The following CNTNAP5 variants were observed in gnomAD, a reference collection of about 807,000 sequenced individuals.
CNTNAP5 encodes contactin-associated protein-like 5.
Under a neutral mutation model 150.2 loss-of-function variants are expected in CNTNAP5, and 72 were observed. That is an observed-to-expected ratio of 0.48 (90% CI 0.40 to 0.58). The LOEUF (loss-of-function observed/expected upper bound fraction) is 0.58. Among genes scored for constraint, CNTNAP5 ranks in the 20% least tolerant of loss-of-function variants. The pLI, the probability that CNTNAP5 is intolerant of heterozygous loss-of-function variation, is 0.00. For synonymous variants in CNTNAP5, 672 were observed against 619.8 expected (o/e 1.08, Z -1.25); for missense variants, 1,636 against 1,626.2 (o/e 1.01, Z -0.10).
chr2:124,154,468 A>G (rs1193296236), intron 1 of CNTNAP5, among the ~76,000 whole-genome samples: 1 of 152,104 alleles, frequency 6.6e-6, no homozygotes, highest in African/African-American at 2.4e-5. Context: ...ACACCTCACA[A>G]TTACACCTCC....
chr2:124,572,300 G>T (rs1355998281), intron 11 of CNTNAP5, among the ~76,000 whole-genome samples: 1 of 151,922 alleles, frequency 6.6e-6, no homozygotes, highest in Non-Finnish European at 1.5e-5. Flanking sequence ...CAGATACTGG[G>T]GTCTACCTGA....
intron 2 of CNTNAP5, among the ~76,000 whole-genome samples, chr2:124,239,022 G>A (rs1249503419): frequency 6.6e-6 from 1 of 152,134 alleles, no homozygotes; most frequent in South Asian, 2.1e-4. Flanking sequence ...AAACTCTTGG[G>A]CTCAGAAAAT....
At chr2:124,575,102 C>A (rs1232818927) in intron 11 of CNTNAP5, among the ~76,000 whole-genome samples, 2 of 152,058 alleles carry the variant, frequency 1.3e-5, no homozygotes, top group African/African-American at 4.8e-5. Context: ...AGGGACGAGG[C>A]AAGTACGCTT....
At chr2:124,046,370 T>C (rs1681534767) in intron 1 of CNTNAP5, among the ~76,000 whole-genome samples, 1 of 150,386 alleles carries the variant, frequency 6.6e-6, no homozygotes, top group African/African-American at 2.4e-5. Flanking sequence ...TTTGAAGAAA[T>C]TACTCAGAGC....
intron 19 of CNTNAP5, among the ~76,000 whole-genome samples, chr2:124,833,420 T>C (rs1682761265): frequency 6.6e-6 from 1 of 152,164 alleles, no homozygotes; most frequent in South Asian, 2.1e-4. Context: ...GTCCCCACAA[T>C]GTTCCAAATG....
At chr2:124,903,888 T>C (rs1328418061) in intron 22 of CNTNAP5, among the ~76,000 whole-genome samples, 1 of 151,864 alleles carries the variant, frequency 6.6e-6, no homozygotes, top group Non-Finnish European at 1.5e-5. Flanking sequence ...ACCCCATTTC[T>C]ACTAAAAATA....
chr2:124,792,543 C>T (rs1681756895), intron 18 of CNTNAP5, among the ~76,000 whole-genome samples: 1 of 151,960 alleles, frequency 6.6e-6, no homozygotes, highest in African/African-American at 2.4e-5. Flanking sequence ...AATTTATATA[C>T]CATAAAACCC....
At chr2:124,290,495 C>T (rs944098216) in intron 3 of CNTNAP5, among the ~76,000 whole-genome samples, 11 of 152,204 alleles carry the variant, frequency 7.2e-5, no homozygotes, top group South Asian at 2.1e-4. Flanking sequence ...CCAGGCTGGC[C>T]GCAGTACTAT....
chr2:124,664,702 T>C (rs2105049386), intron 13 of CNTNAP5, among the ~76,000 whole-genome samples: 1 of 152,370 alleles, frequency 6.6e-6, no homozygotes, highest in South Asian at 2.1e-4. Flanking sequence ...TTTGTTTCTT[T>C]TGAGACGGAG....
At chr2:124,545,309 T>C (rs1474435426) in intron 10 of CNTNAP5, among the ~76,000 whole-genome samples, 1 of 152,072 alleles carries the variant, frequency 6.6e-6, no homozygotes, top group African/African-American at 2.4e-5. Context: ...GTACTCTGCT[T>C]GGTCAACAAA....
In CNTNAP5 at chr2:124,884,002, T is replaced by A. The variant is rs187696549; in HGVS notation, c.3436+14240T>A. 8.2e-4 allele frequency among the ~76,000 whole-genome samples: 125 copies of A among 152,250 alleles called. 2 individuals are homozygous for A. The highest frequency in any genetic ancestry group is 2.9e-3 in the African/African-American group (119 of 41,558). ...GTGTCTGTGAATACATGTACATGCA[T>A]GCCCATGCACGTGCATATGTGTATG... On this transcript the variant is annotated intron_variant, in intron 21 of 23. Transcript: ENST00000682447.
chr2:124,142,143 G>A (rs533986176), intron 1 of CNTNAP5, among the ~76,000 whole-genome samples: 14 of 131,074 alleles, frequency 1.1e-4, no homozygotes, highest in African/African-American at 3.9e-4. Flanking sequence ...CATAAAGCAA[G>A]TCCTGAGTGA....
At chr2:124,083,008 A>G (rs1471657543) in intron 1 of CNTNAP5, among the ~76,000 whole-genome samples, 3 of 152,178 alleles carry the variant, frequency 2.0e-5, no homozygotes, top group Admixed American at 6.5e-5. Flanking sequence ...TGTTGTTTTA[A>G]GAGTTATATA....
chr2:124,879,433 A>G (rs765627982), intron 21 of CNTNAP5, among the ~76,000 whole-genome samples: 1 of 152,126 alleles, frequency 6.6e-6, no homozygotes, highest in Non-Finnish European at 1.5e-5. Context: ...GCTGCCTCCC[A>G]GACTTGGATG....
chr2:124,670,496 AT>A (rs1678799625), intron 13 of CNTNAP5, among the ~76,000 whole-genome samples: 1 of 151,942 alleles, frequency 6.6e-6, no homozygotes, highest in African/African-American at 2.4e-5. Flanking sequence ...GACTGCAAAT[AT>A]TTTTCCCATT....
At chr2:124,169,956 T>A (rs1370081236) in intron 1 of CNTNAP5, among the ~76,000 whole-genome samples, 1 of 152,164 alleles carries the variant, frequency 6.6e-6, no homozygotes, top group African/African-American at 2.4e-5. Flanking sequence ...CTTCTCTTCA[T>A]GTGGGAAAAG....
intron 19 of CNTNAP5, among the ~76,000 whole-genome samples, chr2:124,864,592 C>T (rs1170658770): frequency 1.3e-5 from 2 of 151,954 alleles, no homozygotes; most frequent in Non-Finnish European, 1.5e-5. Context: ...CACACACACA[C>T]ACACACAGAA....
At chr2:124,675,719 C>T (rs1410629010) in intron 13 of CNTNAP5, among the ~76,000 whole-genome samples, 2 of 152,068 alleles carry the variant, frequency 1.3e-5, no homozygotes, top group Non-Finnish European at 2.9e-5. Flanking sequence ...GTATGTACTG[C>T]TTTGTGCAGT....
chr2:124,775,198 G>A (rs947576152), intron 17 of CNTNAP5, among the ~76,000 whole-genome samples: 1 of 152,062 alleles, frequency 6.6e-6, no homozygotes, highest in Non-Finnish European at 1.5e-5. Flanking sequence ...GAAATGTCAG[G>A]TAGCCAACAA....
Sources: gnomAD v4.1 joint callset for allele counts (sites outside exome capture counted in the v4.1 genomes callset) on GRCh38, gnomAD v4.1.1 for gene constraint, MANE v1.5 for transcripts, NCBI Gene and HGNC (gene_info 2026-07-23, HGNC 2026-07-21) for gene names.